Variants in ACER1 observed in about 807,000 individuals in gnomAD.
ACER1 encodes alkaline ceramidase 1.
Under a neutral mutation model 24.9 loss-of-function variants are expected in ACER1, and 28 were observed. The observed-to-expected ratio is 1.13, with a 90% CI of 0.83 to 1.54. ACER1 has a LOEUF of 1.54. Among genes scored for constraint, ACER1 ranks in the 40% most tolerant of loss-of-function variants. ACER1 has a pLI of 0.00. For missense variants in ACER1, 352 were observed against 349.3 expected, an observed-to-expected ratio of 1.01 and a Z score of -0.06; for synonymous variants, 132 against 131.4, an observed-to-expected ratio of 1.00 and a Z score of -0.03.
chr19:6,340,529 C>T, the ACER1 span, among the ~76,000 whole-genome samples: 803 of 152,248 alleles, frequency 5.3e-3, 8 homozygotes, highest in Non-Finnish European at 8.6e-3. Flanking sequence ...CAGTAGCGAC[C>T]CTGACTCCTT....
At chr19:6,311,090 C>A (rs888207892) in intron 3 of ACER1, among the ~76,000 whole-genome samples, 1 of 151,588 alleles carries the variant, frequency 6.6e-6, no homozygotes, top group Non-Finnish European at 1.5e-5. Context: ...GCAAGGAGTT[C>A]AGGGGATCCC....
At position 6,306,811 on chromosome 19, in the gene ACER1, A is replaced by T. The variant is rs1314409195; in HGVS notation, c.698T>A (p.Met233Lys). The T allele has an allele frequency of 1.9e-6, 3 of 1,614,084 alleles. No homozygotes were observed. The highest frequency in any genetic ancestry group is 2.5e-6 in the Non-Finnish European group (3 of 1,180,042). ...TMALVDANYEMPGETLKVRYW... is the reference protein window; with the variant it reads ...TMALVDANYEKPGETLKVRYW... ...GCGGACTTTGAGGGTTTCACCTGGCATCTCATAGTTGGCATCCACCAAGGC... is the reference window on the plus strand; with the variant it reads ...GCGGACTTTGAGGGTTTCACCTGGCTTCTCATAGTTGGCATCCACCAAGGC... Residue 233 changes from methionine to lysine, a missense_variant, in exon 6 of 6, where the codon ATG becomes AAG. Transcript: ENST00000301452.
chr19:6,312,400 G>T lies in ACER1; in HGVS notation c.193C>A (p.Leu65Ile). 1 of 1,613,966 alleles carries T rather than the reference G, an allele frequency of 6.2e-7. No individual in the cohort carries two copies. The highest frequency in any genetic ancestry group is 8.5e-7 in the Non-Finnish European group (1 of 1,179,996). Residue 65 changes from leucine (L) to isoleucine (I), a missense_variant, in exon 2 of 6, where the codon CTC (leucine) becomes ATC (isoleucine). Transcript: ENST00000301452. ...ACCTCCCTACCTATGATCATGAAGA[G>T]GACCCAGACAACGTAAATGTAGCGG... is the stretch of plus-strand genomic sequence containing the variant. The part of the protein sequence containing the change: ...RSRYIYVVWV[L>I]FMIIGLFSMY...
At chr19:6,358,497 A>T in the ACER1 span, among the ~76,000 whole-genome samples, 1 of 152,076 alleles carries the variant, frequency 6.6e-6, no homozygotes, top group Non-Finnish European at 1.5e-5. Context: ...ATCAAGTTTA[A>T]GAGTCCAGTG....
At chr19:6,344,959 G>A in the ACER1 span, among the ~76,000 whole-genome samples, 48 of 151,748 alleles carry the variant, frequency 3.2e-4, no homozygotes, top group African/African-American at 5.8e-4. Context: ...TCCGCCTCCC[G>A]GGTTCACACC....
the ACER1 span, among the ~76,000 whole-genome samples, chr19:6,345,456 C>A: frequency 6.6e-6 from 1 of 151,976 alleles, no homozygotes; most frequent in Non-Finnish European, 1.5e-5. Context: ...ACTAATTATA[C>A]AGCTCACATA....
the ACER1 span, among the ~76,000 whole-genome samples, chr19:6,346,900 C>A: frequency 6.6e-6 from 1 of 151,176 alleles, no homozygotes; most frequent in African/African-American, 2.4e-5. Context: ...AAGGCTGAGA[C>A]CGAGGAGGGA....
the ACER1 span, among the ~76,000 whole-genome samples, chr19:6,355,735 T>C: frequency 9.3e-5 from 10 of 107,798 alleles, no homozygotes; most frequent in African/African-American, 1.2e-4. Flanking sequence ...AGCCGCCCCG[T>C]CCAGGAGGGA....
At chr19:6,316,865 T>C (rs2091605601) in intron 1 of ACER1, among the ~76,000 whole-genome samples, 5 of 148,508 alleles carry the variant, frequency 3.4e-5, no homozygotes, top group African/African-American at 4.9e-5. Flanking sequence ...ACACAATACA[T>C]ACATGTAACA....
In ACER1 at chr19:6,322,391, T is replaced by C. The variant is rs150057705; in HGVS notation, c.94-9892A>G. Among the ~76,000 whole-genome samples, 26 of 152,332 alleles carry C rather than the reference T, an allele frequency of 1.7e-4. No homozygotes were observed. In the East Asian group the frequency reaches 4.6e-3, roughly 27 times the overall value. ...AGACAAAATATGTAGCAGAAATATG[T>C]AGCAGCTCCTATTTGACTTCCAGGA... On this transcript the variant is annotated intron_variant, in intron 1 of 5. Transcript: ENST00000301452.
intron 4 of ACER1, among the ~76,000 whole-genome samples, chr19:6,307,811 G>A (rs2091559380): frequency 6.7e-6 from 1 of 148,698 alleles, no homozygotes; most frequent in South Asian, 2.1e-4. Context: ...AATAGGCCGG[G>A]CGTGATGGCT....
chr19:6,346,129 G>A, the ACER1 span, among the ~76,000 whole-genome samples: 2 of 152,098 alleles, frequency 1.3e-5, no homozygotes, highest in Admixed American at 6.6e-5. Flanking sequence ...TCAGATTAAC[G>A]ATGGATAAGT....
intron 1 of ACER1, among the ~76,000 whole-genome samples, chr19:6,329,284 G>A (rs373123587): frequency 2.6e-5 from 4 of 152,112 alleles, no homozygotes; most frequent in East Asian, 3.9e-4. Context: ...AGAAGGTCTT[G>A]GGGAAGCCCT....
the ACER1 span, among the ~76,000 whole-genome samples, chr19:6,347,088 C>T: frequency 1.1e-5 from 1 of 94,000 alleles, no homozygotes; most frequent in South Asian, 3.2e-4. Context: ...ACCACGAGTC[C>T]CTGTCTCTAC....
intron 4 of ACER1, among the ~76,000 whole-genome samples, chr19:6,308,187 C>T (rs577482834): frequency 5.9e-5 from 9 of 152,166 alleles, no homozygotes; most frequent in African/African-American, 2.2e-4. Flanking sequence ...GTAATCCCAG[C>T]ACTTTGGGAG....
At chr19:6,329,879 T>C (rs1379499867) in intron 1 of ACER1, among the ~76,000 whole-genome samples, 1 of 151,332 alleles carries the variant, frequency 6.6e-6, no homozygotes, top group Non-Finnish European at 1.5e-5. Context: ...TTTTTAATTT[T>C]TTTTTTTTTG....
intron 1 of ACER1, among the ~76,000 whole-genome samples, chr19:6,326,131 T>TC (rs2091660411): frequency 6.7e-6 from 1 of 148,678 alleles, no homozygotes; most frequent in African/African-American, 2.5e-5. Context: ...TTTTTTTTTT[T>TC]TTTTTTTTTT....
the ACER1 span, among the ~76,000 whole-genome samples, chr19:6,353,193 G>A: frequency 1.3e-5 from 2 of 152,162 alleles, no homozygotes; most frequent in Admixed American, 6.6e-5. Flanking sequence ...TTAGCTGGGC[G>A]TGGTGGCTTG....
At chr19:6,348,201 A>G in the ACER1 span, among the ~76,000 whole-genome samples, 19 of 151,902 alleles carry the variant, frequency 1.3e-4, no homozygotes, top group African/African-American at 4.6e-4. Context: ...GCAATGGCTC[A>G]CATCTGTAAT....
Sources: gnomAD v4.1 joint callset for allele counts (sites outside exome capture counted in the v4.1 genomes callset) on GRCh38, gnomAD v4.1.1 for gene constraint, MANE v1.5 for transcripts, NCBI Gene and HGNC (gene_info 2026-07-23, HGNC 2026-07-21) for gene names.